PDE1C: variants seen among roughly 807,000 people sequenced by gnomAD.
The protein encoded by PDE1C is phosphodiesterase 1C.
In PDE1C, 62 loss-of-function variants were observed where a neutral mutation model predicts 93.1. That is an observed-to-expected ratio of 0.67 (90% CI 0.54 to 0.82). PDE1C has a LOEUF of 0.82. Ranked by LOEUF, PDE1C falls within the 40% of genes least tolerant of loss-of-function variation. The pLI, the probability that PDE1C is intolerant of heterozygous loss-of-function variation, is 0.00. For missense variants in PDE1C, 742 were observed against 884.6 expected (o/e 0.84, Z 2.04); for synonymous variants, 325 against 310.1 (o/e 1.05, Z -0.50).
chr7:32,091,579 A>G (rs1584745969), intron 3 of PDE1C, among the ~76,000 whole-genome samples: 1 of 152,190 alleles, frequency 6.6e-6, no homozygotes, highest in African/African-American at 2.4e-5. Context: ...TGGCATAGGA[A>G]CCAGCCTCAA....
chr7:31,918,650 G>A (rs1802227951), intron 2 of PDE1C, among the ~76,000 whole-genome samples: 1 of 152,114 alleles, frequency 6.6e-6, no homozygotes, highest in African/African-American at 2.4e-5. Context: ...TTTATAGTCT[G>A]CTAAGTCAGT....
intron 16 of PDE1C, chr7:31,784,489 T>C (rs2128644293): frequency 1.3e-5 from 2 of 152,254 alleles, no homozygotes; most frequent in East Asian, 3.9e-4. Flanking sequence ...ACGAATTGCA[T>C]GGAACAAGGT....
chr7:32,338,799 C>A (rs796453158), intron 1 of PDE1C, among the ~76,000 whole-genome samples: 3 of 152,026 alleles, frequency 2.0e-5, no homozygotes, highest in Admixed American at 1.3e-4. Flanking sequence ...GTCAGGAGAT[C>A]GAGACCATCC....
intron 1 of PDE1C, among the ~76,000 whole-genome samples, chr7:32,067,899 G>C (rs560530966): frequency 1.2e-4 from 19 of 152,252 alleles, no homozygotes; most frequent in African/African-American, 4.1e-4. Flanking sequence ...TGCTGTTCTA[G>C]GTATTGCAGT....
At chr7:31,719,476 G>A in the PDE1C span, among the ~76,000 whole-genome samples, 2 of 152,184 alleles carry the variant, frequency 1.3e-5, no homozygotes, top group Non-Finnish European at 2.9e-5. Context: ...AGTCTATGTT[G>A]TCCTTCAACA....
intron 1 of PDE1C, among the ~76,000 whole-genome samples, chr7:32,297,056 G>A (rs1812640365): frequency 6.6e-6 from 1 of 152,162 alleles, no homozygotes; most frequent in African/African-American, 2.4e-5. Flanking sequence ...GAAAGTGAAA[G>A]CTGGGATCTA....
At chr7:32,411,525 C>T (rs1785169649) in intron 1 of PDE1C, among the ~76,000 whole-genome samples, 1 of 152,100 alleles carries the variant, frequency 6.6e-6, no homozygotes, top group African/African-American at 2.4e-5. Flanking sequence ...AAACGATACA[C>T]CTGTATAAGG....
chr7:32,069,663 C>G (rs532372611), intron 1 of PDE1C, among the ~76,000 whole-genome samples: 10 of 152,270 alleles, frequency 6.6e-5, no homozygotes, highest in Non-Finnish European at 1.0e-4. Flanking sequence ...CTCCATCCAT[C>G]AGGGCAACTA....
intron 11 of PDE1C, among the ~76,000 whole-genome samples, chr7:31,834,730 C>A (rs1790844908): frequency 6.6e-6 from 1 of 151,834 alleles, no homozygotes; most frequent in African/African-American, 2.4e-5. Flanking sequence ...AAGGAACTTG[C>A]CTTGTCTCAG....
At chr7:31,642,070 A>C in the PDE1C span, 1 of 614,384 alleles carries the variant, frequency 1.6e-6, no homozygotes, top group Non-Finnish European at 2.7e-6. Flanking sequence ...CACAGTGGGC[A>C]TTTCTGCAGG....
intron 1 of PDE1C, among the ~76,000 whole-genome samples, chr7:32,288,794 G>A (rs1812163550): frequency 6.6e-6 from 1 of 152,222 alleles, no homozygotes; most frequent in Admixed American, 6.5e-5. Flanking sequence ...GTTAATGTGT[G>A]TTCCCTGGGC....
the PDE1C span, among the ~76,000 whole-genome samples, chr7:31,635,762 T>C: frequency 8.6e-5 from 13 of 151,770 alleles, no homozygotes; most frequent in African/African-American, 2.9e-4. Context: ...ACACCACACA[T>C]TGGGGCTTGT....
intron 2 of PDE1C, among the ~76,000 whole-genome samples, chr7:32,202,297 G>C (rs1020428558): frequency 6.6e-6 from 1 of 152,168 alleles, no homozygotes; most frequent in Non-Finnish European, 1.5e-5. Flanking sequence ...AAAAAGAGAA[G>C]GCAGAGTGAG....
rs902257648 is a variant in PDE1C at position 32,291,147 on chromosome 7, G to T, written c.85+7504C>A. Reference sequence around the variant, plus strand: ...TCTACATTTAACAGATGAGCACATTGAAATACAGAAAAGTTAAGTAACTTG... The same window carrying T: ...TCTACATTTAACAGATGAGCACATTTAAATACAGAAAAGTTAAGTAACTTG... On this transcript the variant is annotated intron_variant, in intron 1 of 18. Transcript: ENST00000396193. Among the ~76,000 whole-genome samples the T allele has an allele frequency of 3.1e-4, 47 of 152,224 alleles. No homozygotes were observed. The East Asian group carries it at 8.9e-3, about 29-fold the overall frequency.
In PDE1C at chr7:32,222,033, T is replaced by G. The variant is rs145188645; in HGVS notation, c.86-12494A>C. ...AGGTGCTCCTATCTGAGATAGGAAA[T>G]CAACCTTACAGCCACAACTTCACTT... On this transcript the variant is annotated intron_variant, in intron 1 of 18. Coordinates refer to the PDE1C transcript ENST00000396193. Among the ~76,000 whole-genome samples, 635 of 152,108 alleles carry G rather than the reference T, an allele frequency of 4.2e-3. 6 individuals are homozygous for G. Among genetic ancestry groups the G allele is most frequent in the African/African-American group, 0.014 (583 of 41,520 alleles).
At chr7:32,253,746 C>T (rs529233880) in intron 1 of PDE1C, among the ~76,000 whole-genome samples, 21 of 152,250 alleles carry the variant, frequency 1.4e-4, no homozygotes, top group South Asian at 6.2e-4. Flanking sequence ...CAATAAAGGG[C>T]GCTGCTGCAC....
Position 32,186,087 on chromosome 7 carries a change from G to GTTTTTTTTTTT in PDE1C, c.137-16142_137-16132dup, listed in dbSNP as rs10561469. On this transcript the variant is annotated intron_variant, in intron 2 of 18. Transcript: ENST00000396193. ...ACTTTTTTCCCTAATTTGTTTTTTT[G>GTTTTTTTTTTT]TTTTTTTTTTTTTTTTTTTTTTTTT... 3.1e-5 allele frequency among the ~76,000 whole-genome samples: 4 copies of GTTTTTTTTTTT among 128,570 alleles called. 1 individual carries two copies. The highest frequency in any genetic ancestry group is 5.0e-5 in the Non-Finnish European group (3 of 60,484). The allele number at this position is 128,570 out of a possible 152,430, so 84.3% of individuals were successfully genotyped here.
intron 1 of PDE1C, among the ~76,000 whole-genome samples, chr7:32,416,434 C>A (rs950825759): frequency 6.6e-6 from 1 of 152,206 alleles, no homozygotes; most frequent in Non-Finnish European, 1.5e-5. Context: ...CACCAAGAGG[C>A]CACTCCCTAC....
the PDE1C span, chr7:31,651,386 C>G: frequency 1.7e-6 from 2 of 1,207,414 alleles, no homozygotes; most frequent in Admixed American, 2.8e-5. Context: ...AACCGGCCAG[C>G]TTTTCCTTTG....
Sources: gnomAD v4.1 joint callset for allele counts (sites outside exome capture counted in the v4.1 genomes callset) on GRCh38, gnomAD v4.1.1 for gene constraint, MANE v1.5 for transcripts, NCBI Gene and HGNC (gene_info 2026-07-23, HGNC 2026-07-21) for gene names.